CNTLN: variants seen among roughly 807,000 people sequenced by gnomAD.
The protein encoded by CNTLN is centlein, centrosomal protein.
CNTLN carries 212 observed loss-of-function variants against 180.0 expected under a neutral mutation model. The ratio of observed to expected loss-of-function variants is 1.18; its 90% CI spans 1.05 to 1.32. CNTLN has a LOEUF of 1.32. CNTLN is among the 40% of genes most tolerant of loss of function. The pLI is 0.00. For synonymous variants in CNTLN, 722 were observed against 563.1 expected, an observed-to-expected ratio of 1.28 and a Z score of -3.99; for missense variants, 2,095 against 1,610.9, an observed-to-expected ratio of 1.30 and a Z score of -5.14.
At chr9:17,249,245 A>G (rs1825981897) in intron 5 of CNTLN, among the ~76,000 whole-genome samples, 1 of 152,038 alleles carries the variant, frequency 6.6e-6, no homozygotes, top group African/African-American at 2.4e-5. Flanking sequence ...TGCATTTGCT[A>G]CATGGTATAG....
chr9:17,275,694 A>C, intron 6 of CNTLN, among the ~76,000 whole-genome samples: 1 of 152,092 alleles, frequency 6.6e-6, no homozygotes, highest in Admixed American at 6.6e-5. Context: ...ATTTTGCGTG[A>C]GTTTGTATAT....
chr9:17,340,136 C>T (rs182947044), intron 10 of CNTLN, among the ~76,000 whole-genome samples: 1 of 152,150 alleles, frequency 6.6e-6, no homozygotes, highest in Admixed American at 6.6e-5. Flanking sequence ...CAGAGGGAAG[C>T]CCTGTTTCCA....
chr9:17,422,243 A>G (rs1828774019), intron 18 of CNTLN, among the ~76,000 whole-genome samples: 1 of 152,128 alleles, frequency 6.6e-6, no homozygotes, highest in Non-Finnish European at 1.5e-5. Flanking sequence ...GTTTCCACTG[A>G]GAAGTCTGCT....
intron 18 of CNTLN, among the ~76,000 whole-genome samples, chr9:17,441,777 G>A (rs1830124549): frequency 6.6e-6 from 1 of 152,018 alleles, no homozygotes; most frequent in African/African-American, 2.4e-5. Flanking sequence ...TAAAAAAACA[G>A]AATTCAGCTA....
chr9:17,394,506 T>A (rs1004566202), intron 14 of CNTLN, 28 bp from the exon 15 acceptor site: 2 of 1,410,580 alleles, frequency 1.4e-6, no homozygotes, highest in Non-Finnish European at 1.9e-6. Context: ...GTTTTTGGAT[T>A]CTTAAAAGAA....
intron 12 of CNTLN, among the ~76,000 whole-genome samples, chr9:17,344,086 G>A (rs1229817533): frequency 6.6e-6 from 1 of 152,132 alleles, no homozygotes; most frequent in Non-Finnish European, 1.5e-5. Flanking sequence ...TGAATTAGTT[G>A]AGAGACCTAA....
intron 2 of CNTLN, among the ~76,000 whole-genome samples, chr9:17,206,131 A>T (rs750099801): frequency 2.6e-5 from 4 of 152,138 alleles, no homozygotes; most frequent in Non-Finnish European, 5.9e-5. Context: ...GGAATGGGCT[A>T]CCTTGGAGAA....
chr9:17,220,535 C>T (rs1192708758), intron 2 of CNTLN, among the ~76,000 whole-genome samples: 1 of 151,998 alleles, frequency 6.6e-6, no homozygotes, highest in Non-Finnish European at 1.5e-5. Flanking sequence ...TTATCACCCA[C>T]TTATTAAGCC....
At chr9:17,517,024 CA>C in the CNTLN span, among the ~76,000 whole-genome samples, 1 of 147,328 alleles carries the variant, frequency 6.8e-6, no homozygotes, top group African/African-American at 2.7e-5. Flanking sequence ...GTAATGGGAT[CA>C]AAAGGTATCT....
chr9:17,249,557 G>C (rs1357921139), intron 5 of CNTLN, among the ~76,000 whole-genome samples: 1 of 151,890 alleles, frequency 6.6e-6, no homozygotes, highest in African/African-American at 2.4e-5. Context: ...CACCATGTTA[G>C]CCAGGATGGT....
chr9:17,265,347 T>C (rs1827338234), intron 5 of CNTLN, among the ~76,000 whole-genome samples: 1 of 152,226 alleles, frequency 6.6e-6, no homozygotes, highest in African/African-American at 2.4e-5. Context: ...TTACACTTAT[T>C]GATTTGCGTA....
intron 6 of CNTLN, among the ~76,000 whole-genome samples, chr9:17,294,899 TG>T (rs1309381464): frequency 2.1e-4 from 1 of 4,740 alleles, no homozygotes; most frequent in East Asian, 0.01. Context: ...GAGTGGGGAG[TG>T]GGGGGAGGGC....
At chr9:17,249,896 T>C (rs1011177461) in intron 5 of CNTLN, among the ~76,000 whole-genome samples, 3 of 148,498 alleles carry the variant, frequency 2.0e-5, no homozygotes, top group African/African-American at 5.0e-5. Context: ...TAGGTGTATC[T>C]AGTATGTAAT....
At chr9:17,159,620 A>G (rs1391484288) in intron 2 of CNTLN, among the ~76,000 whole-genome samples, 1 of 152,218 alleles carries the variant, frequency 6.6e-6, no homozygotes, top group Non-Finnish European at 1.5e-5. Flanking sequence ...AGCTGGGGAC[A>G]GGATGAGAAT....
chr9:17,356,314 C>T (rs1822845078), intron 12 of CNTLN, among the ~76,000 whole-genome samples: 1 of 152,134 alleles, frequency 6.6e-6, no homozygotes, highest in African/African-American at 2.4e-5. Flanking sequence ...AAGATTGTAG[C>T]TCAGAGGAAG....
At chr9:17,177,246 A>G (rs1186946151) in intron 2 of CNTLN, among the ~76,000 whole-genome samples, 3 of 152,130 alleles carry the variant, frequency 2.0e-5, no homozygotes, top group East Asian at 3.9e-4. Context: ...CGTCTCTACT[A>G]AAAATACAAA....
chr9:17,260,069 G>C (rs1826836889), intron 5 of CNTLN, among the ~76,000 whole-genome samples: 1 of 144,578 alleles, frequency 6.9e-6, no homozygotes, highest in South Asian at 2.3e-4. Context: ...TGTGATGTTA[G>C]GGTGTCAATT....
At chr9:17,160,180 A>G (rs1156484709) in intron 2 of CNTLN, among the ~76,000 whole-genome samples, 1 of 152,184 alleles carries the variant, frequency 6.6e-6, no homozygotes, top group African/African-American at 2.4e-5. Context: ...TCTGAAATGT[A>G]AAAAATGATA....
chr9:17,471,615 A>G (rs950441423), intron 23 of CNTLN, among the ~76,000 whole-genome samples: 3 of 152,082 alleles, frequency 2.0e-5, no homozygotes, highest in Non-Finnish European at 2.9e-5. Context: ...TAACTTGATA[A>G]TAAGTGTTAG....
Sources: gnomAD v4.1 joint callset for allele counts (sites outside exome capture counted in the v4.1 genomes callset) on GRCh38, gnomAD v4.1.1 for gene constraint, MANE v1.5 for transcripts, NCBI Gene and HGNC (gene_info 2026-07-23, HGNC 2026-07-21) for gene names.